Variants in NWD2 observed in about 807,000 individuals in gnomAD.
NWD2 encodes the protein NACHT and WD repeat domain containing 2.
Under a neutral mutation model 132.7 loss-of-function variants are expected in NWD2, and 37 were observed. The observed-to-expected ratio is 0.28, with a 90% CI of 0.21 to 0.37. The LOEUF (loss-of-function observed/expected upper bound fraction) is 0.37, where lower values mean the gene tolerates loss of function less well. Among genes scored for constraint, NWD2 ranks in the 10% least tolerant of loss-of-function variants. NWD2 has a pLI of 1.00. For missense variants in NWD2, 1,592 were observed against 2,122.4 expected, an observed-to-expected ratio of 0.75 and a Z score of 4.91; for synonymous variants, 705 against 803.0, an observed-to-expected ratio of 0.88 and a Z score of 2.06.
chr4:37,268,616 T>A (rs1209237163), intron 1 of NWD2, among the ~76,000 whole-genome samples: 2 of 151,918 alleles, frequency 1.3e-5, no homozygotes, highest in African/African-American at 4.8e-5. Context: ...TGAAATATAG[T>A]ACTTTTATGT....
chr4:37,248,438 G>T (rs1028059326), intron 1 of NWD2, among the ~76,000 whole-genome samples: 7 of 152,206 alleles, frequency 4.6e-5, no homozygotes, highest in Non-Finnish European at 8.8e-5. Flanking sequence ...GGACCCATGT[G>T]GGGGAGGTGA....
intron 3 of NWD2, among the ~76,000 whole-genome samples, chr4:37,371,698 A>C (rs577460349): frequency 5.0e-4 from 76 of 152,246 alleles, no homozygotes; most frequent in African/African-American, 1.8e-3. Context: ...CTCTTTTTTG[A>C]TATCACAGAC....
intron 2 of NWD2, among the ~76,000 whole-genome samples, chr4:37,354,597 G>A (rs541506891): frequency 1.3e-5 from 2 of 152,234 alleles, no homozygotes; most frequent in African/African-American, 4.8e-5. Flanking sequence ...TTAACTCATT[G>A]TTCAACCAAG....
Position 37,426,104 on chromosome 4 carries a change from T to A in NWD2, c.358-4468T>A, listed in dbSNP as rs558415388. Among the ~76,000 whole-genome samples the A allele has an allele frequency of 4.6e-5, 7 of 152,352 alleles. No homozygotes were observed. In the South Asian group the frequency reaches 1.4e-3, roughly 32 times the overall value. On this transcript the variant is annotated intron_variant, in intron 3 of 6. Transcript: ENST00000309447. ...GTAAAATATTTGTGCATTGCCTTAT[T>A]TGTAAATATTTGTGTGTTATCTTAG...
At chr4:37,374,170 C>A (rs936729494) in intron 3 of NWD2, among the ~76,000 whole-genome samples, 4 of 152,170 alleles carry the variant, frequency 2.6e-5, no homozygotes. Context: ...TGAGTTCTTG[C>A]CCTATTAGTT....
chr4:37,356,566 T>C, intron 3 of NWD2, 84 bp downstream of exon 3: 2 of 903,306 alleles, frequency 2.2e-6, no homozygotes, highest in South Asian at 1.6e-5. Flanking sequence ...TAAGGGGTTT[T>C]TTAAATGAGG....
At chr4:37,277,001 G>T (rs1024304057) in intron 1 of NWD2, among the ~76,000 whole-genome samples, 3 of 152,036 alleles carry the variant, frequency 2.0e-5, no homozygotes, top group African/African-American at 4.8e-5. Flanking sequence ...GGGGGATGGG[G>T]GAGGGATAGT....
intron 3 of NWD2, among the ~76,000 whole-genome samples, chr4:37,379,662 G>A (rs372372276): frequency 2.9e-4 from 44 of 152,102 alleles, no homozygotes; most frequent in Non-Finnish European, 4.6e-4. Context: ...GTCCCAACCC[G>A]AGGCCTCCTG....
chr4:37,393,891 G>A (rs6531533), intron 3 of NWD2, among the ~76,000 whole-genome samples: 104,029 of 152,032 alleles, frequency 0.68, 35,798 homozygotes, highest in South Asian at 0.76. Context: ...ATCTTTGGAA[G>A]GGTAATTCTT....
At chr4:37,286,871 G>A (rs569898578) in intron 1 of NWD2, among the ~76,000 whole-genome samples, 1 of 152,156 alleles carries the variant, frequency 6.6e-6, no homozygotes, top group East Asian at 1.9e-4. Context: ...ATCATGGGGT[G>A]CGGGGCCAAG....
At chr4:37,365,792 T>C (rs1720089195) in intron 3 of NWD2, among the ~76,000 whole-genome samples, 1 of 152,218 alleles carries the variant, frequency 6.6e-6, no homozygotes, top group African/African-American at 2.4e-5. Flanking sequence ...ATATAAGCTA[T>C]TTCTATAGCT....
chr4:37,321,101 G>T (rs1388931885), intron 1 of NWD2, among the ~76,000 whole-genome samples: 1 of 152,040 alleles, frequency 6.6e-6, no homozygotes, highest in Non-Finnish European at 1.5e-5. Context: ...AGGTTGCAGT[G>T]AGCCGAGATC....
intron 4 of NWD2, 128 bp downstream of exon 4, chr4:37,430,903 G>T: frequency 1.3e-6 from 1 of 763,010 alleles, no homozygotes; most frequent in Middle Eastern, 3.1e-4. Context: ...TAGGCCCCAG[G>T]TTTTCCTTTT....
intron 3 of NWD2, among the ~76,000 whole-genome samples, chr4:37,373,474 GA>G (rs1449496047): frequency 6.6e-6 from 1 of 152,198 alleles, no homozygotes; most frequent in Non-Finnish European, 1.5e-5. Context: ...CATAAACAAG[GA>G]ATGTAATAGA....
At chr4:37,306,609 T>A (rs1457609806) in intron 1 of NWD2, among the ~76,000 whole-genome samples, 1 of 152,222 alleles carries the variant, frequency 6.6e-6, no homozygotes. Context: ...CAATTTCCAG[T>A]TTCTCTTGTT....
intron 3 of NWD2, among the ~76,000 whole-genome samples, chr4:37,376,741 A>G (rs534731148): frequency 1.3e-5 from 2 of 152,218 alleles, no homozygotes; most frequent in Non-Finnish European, 2.9e-5. Context: ...CAAATAGCCT[A>G]AAACATGGTG....
intron 3 of NWD2, among the ~76,000 whole-genome samples, chr4:37,405,716 T>C (rs1487511939): frequency 6.6e-6 from 1 of 152,204 alleles, no homozygotes; most frequent in Non-Finnish European, 1.5e-5. Flanking sequence ...CTTCATAGAT[T>C]AAAGAGTGAG....
chr4:37,288,414 G>T (rs1386497955), intron 1 of NWD2, among the ~76,000 whole-genome samples: 1 of 152,176 alleles, frequency 6.6e-6, no homozygotes, highest in Non-Finnish European at 1.5e-5. Context: ...AATGCCTCTT[G>T]TTCCAGGATT....
intron 3 of NWD2, among the ~76,000 whole-genome samples, chr4:37,360,604 T>TTCA (rs1285437082): frequency 6.6e-6 from 1 of 152,166 alleles, no homozygotes. Context: ...CAAAATCATC[T>TTCA]TCATCACCTT....
Sources: allele counts gnomAD v4.1 joint callset (sites outside exome capture counted in the v4.1 genomes callset), GRCh38; gene constraint gnomAD v4.1.1; transcripts MANE v1.5; gene names NCBI Gene and HGNC (gene_info 2026-07-23, HGNC 2026-07-21).